Variants in UBE2E1 observed in about 807,000 individuals in gnomAD.
The protein encoded by UBE2E1 is ubiquitin-conjugating enzyme E2 E1.
Under a neutral mutation model 21.4 loss-of-function variants are expected in UBE2E1, and 6 were observed. That is an observed-to-expected ratio of 0.28 (90% CI 0.15 to 0.55). UBE2E1 has a LOEUF of 0.55. Among genes scored for constraint, UBE2E1 ranks in the 20% least tolerant of loss-of-function variants. The pLI is 0.93. For missense variants in UBE2E1, 142 were observed against 236.5 expected (o/e 0.60, Z 2.62); for synonymous variants, 87 against 82.7 (o/e 1.05, Z -0.28).
chr3:23,864,830 C>T lies in UBE2E1; in HGVS notation c.204-22737C>T, dbSNP rs538508744. Among the ~76,000 whole-genome samples the T allele has an allele frequency of 1.3e-3, 200 of 152,316 alleles. No individual in the cohort carries two copies. In the Middle Eastern group the frequency reaches 0.02, roughly 16 times the overall value. On this transcript the variant is annotated intron_variant, in intron 3 of 5. Coordinates refer to ENST00000306627, the MANE Select transcript of UBE2E1 (RefSeq NM_003341.5). The stretch of plus-strand genomic sequence containing the variant: ...TCCCCAGAAGAGACTGCCTGGAGGG[C>T]GAAGGCCGGCCTGTGTTCTGGGAGC...
rs145275246 is a variant in UBE2E1, at chr3:23,870,383, C to G, written c.204-17184C>G. 6.6e-6 allele frequency among the ~76,000 whole-genome samples: 1 copy of G among 152,352 alleles called. No individual in the cohort carries two copies. Among genetic ancestry groups the G allele is most frequent in the Admixed American group, 6.5e-5 (1 of 15,304 alleles). ...GAGGGAGGGGAATTAGACTCTGCCT[C>G]TTTGAGCAGTTTCAAACAATCTGTG... On this transcript the variant is annotated intron_variant, in intron 3 of 5. Transcript: ENST00000306627. The surrounding 1 kb of genome is among the most constrained non-coding windows in gnomAD (Gnocchi z 4.2).
At chr3:23,885,045 A>G (rs1225152673) in intron 3 of UBE2E1, among the ~76,000 whole-genome samples, 1 of 152,226 alleles carries the variant, frequency 6.6e-6, no homozygotes, top group Non-Finnish European at 1.5e-5. Context: ...CTTATAAACA[A>G]CAGAAGTTTA....
intron 3 of UBE2E1, among the ~76,000 whole-genome samples, chr3:23,877,272 C>T (rs1333180629): frequency 6.6e-6 from 1 of 152,034 alleles, no homozygotes; most frequent in Non-Finnish European, 1.5e-5. Context: ...ATAACAACAG[C>T]AACCATATAT....
chr3:23,875,233 T>C (rs1700890123), intron 3 of UBE2E1, among the ~76,000 whole-genome samples: 1 of 152,234 alleles, frequency 6.6e-6, no homozygotes, highest in African/African-American at 2.4e-5. Context: ...TGAGCTTTTG[T>C]GATGTTTTAA....
At chr3:23,841,972 G>T (rs776206058) in intron 3 of UBE2E1, among the ~76,000 whole-genome samples, 1 of 151,944 alleles carries the variant, frequency 6.6e-6, no homozygotes, top group Non-Finnish European at 1.5e-5. Context: ...GGGCAAAATG[G>T]GATAATCTTT....
chr3:23,853,623 C>A lies in UBE2E1; in HGVS notation c.204-33944C>A, dbSNP rs779965107. Among the ~76,000 whole-genome samples the A allele has an allele frequency of 6.6e-6, 1 of 152,072 alleles. No homozygotes were observed. Among genetic ancestry groups the A allele is most frequent in the African/African-American group, 2.4e-5 (1 of 41,396 alleles). On this transcript the variant is annotated intron_variant, in intron 3 of 5. Transcript: ENST00000306627. The surrounding 1 kb of genome is among the most constrained non-coding windows in gnomAD (Gnocchi z 4.1). ...CTGTTCACAATTCAGTCTTTAAATG[C>A]ATATAGGAGAGTTGGAGGGGAGAGG...
chr3:23,807,539 A>G, intron 2 of UBE2E1, 118 bp downstream of exon 2: 1 of 1,307,948 alleles, frequency 7.6e-7, no homozygotes. Context: ...GTGTTCTTAA[A>G]AATGAAAGAA....
chr3:23,881,165 G>A (rs1189026703), intron 3 of UBE2E1, among the ~76,000 whole-genome samples: 1 of 152,070 alleles, frequency 6.6e-6, no homozygotes, highest in Non-Finnish European at 1.5e-5. Flanking sequence ...CGTGGCTCAT[G>A]GCCATCCCCG....
intron 3 of UBE2E1, among the ~76,000 whole-genome samples, chr3:23,839,966 A>G (rs575848562): frequency 3.3e-5 from 5 of 151,934 alleles, no homozygotes; most frequent in East Asian, 1.9e-4. Flanking sequence ...TCTTGGCTCT[A>G]TGAGCTTATA....
intron 3 of UBE2E1, among the ~76,000 whole-genome samples, chr3:23,820,205 G>A (rs1699617695): frequency 6.6e-6 from 1 of 152,168 alleles, no homozygotes; most frequent in African/African-American, 2.4e-5. Context: ...CCTCTTTTAT[G>A]CAGCCATGCT....
rs930702863 is a variant in UBE2E1, at chr3:23,816,236, A to C, written c.203+4726A>C. Among the ~76,000 whole-genome samples, 8 of 152,250 alleles carry C rather than the reference A, an allele frequency of 5.3e-5. No homozygotes were observed. Among genetic ancestry groups the C allele is most frequent in the Admixed American group, 1.3e-4 (2 of 15,286 alleles). On this transcript the variant is annotated intron_variant, in intron 3 of 5. Coordinates refer to ENST00000306627, the MANE Select transcript of UBE2E1 (RefSeq NM_003341.5). The surrounding 1 kb of genome is among the most constrained non-coding windows in gnomAD (Gnocchi z 4.8). ...ATTAAAAACAGAGGCTCAAACAGAT[A>C]ACCTGTATGTCAGTATTCATAGCAT... is the stretch of plus-strand genomic sequence containing the variant.
intron 3 of UBE2E1, among the ~76,000 whole-genome samples, chr3:23,830,438 T>G (rs1699844531): frequency 6.6e-6 from 1 of 152,100 alleles, no homozygotes; most frequent in Non-Finnish European, 1.5e-5. Flanking sequence ...TGTTTTTGTT[T>G]GTTTTTGGCA....
rs1699368691 is a variant in UBE2E1 at position 23,810,658 on chromosome 3, C to T, written c.153-802C>T. On this transcript the variant is annotated intron_variant, in intron 2 of 5. Coordinates refer to ENST00000306627, the MANE Select transcript of UBE2E1 (RefSeq NM_003341.5). This position sits in a 1 kb window ranked among gnomAD's most constrained non-coding sequence, Gnocchi z 5.8. ...AGTGGCGGGCGGGGGTGTTCGCGCCCTGCTTTCGCGCGCGGTCTCGGGCCA... is the reference window on the plus strand; with the variant it reads ...AGTGGCGGGCGGGGGTGTTCGCGCCTTGCTTTCGCGCGCGGTCTCGGGCCA... The T allele has an allele frequency of 3.5e-6, 3 of 863,620 alleles. No individual in the cohort carries two copies. Among genetic ancestry groups the T allele is most frequent in the Non-Finnish European group, 3.4e-6 (2 of 596,090 alleles). 53.5% of individuals were successfully genotyped at this position (863,620 alleles called of 1,614,324 possible).
chr3:23,865,201 T>C (rs780695504), intron 3 of UBE2E1, among the ~76,000 whole-genome samples: 1 of 152,132 alleles, frequency 6.6e-6, no homozygotes, highest in Non-Finnish European at 1.5e-5. Context: ...GTCACATAGT[T>C]GTTGACAGAA....
chr3:23,813,617 A>T (rs368931447), intron 3 of UBE2E1, among the ~76,000 whole-genome samples: 3 of 152,204 alleles, frequency 2.0e-5, no homozygotes, highest in South Asian at 2.1e-4. Context: ...ATTTCGGCTC[A>T]TTGCAACCTC....
At chr3:23,882,505 GC>G (rs1462366412) in intron 3 of UBE2E1, among the ~76,000 whole-genome samples, 1 of 152,240 alleles carries the variant, frequency 6.6e-6, no homozygotes, top group Non-Finnish European at 1.5e-5. Context: ...GGGCGGAGCT[GC>G]CCGCCAGTCC....
In UBE2E1 at chr3:23,810,434, C is replaced by T; in HGVS notation, c.153-1026C>T. ...GGGTTGGTGCGGAGGGAGAAAACTG[C>T]AGGTCTCCAGTCTATCCCCAGTGTG... is the stretch of plus-strand genomic sequence containing the variant. On this transcript the variant is annotated intron_variant, in intron 2 of 5. Transcript: ENST00000306627. This position sits in a 1 kb window ranked among gnomAD's most constrained non-coding sequence, Gnocchi z 5.8. The T allele has an allele frequency of 6.5e-7, 1 of 1,535,268 alleles. No homozygotes were observed. The highest frequency in any genetic ancestry group is 8.7e-7 in the Non-Finnish European group (1 of 1,146,338).
chr3:23,824,138 A>C (rs1699703118), intron 3 of UBE2E1, among the ~76,000 whole-genome samples: 1 of 152,244 alleles, frequency 6.6e-6, no homozygotes, highest in Non-Finnish European at 1.5e-5. Flanking sequence ...TTTTACTGTA[A>C]CTATTTACAT....
rs986266825 is a variant in UBE2E1 at position 23,823,394 on chromosome 3, A to C, written c.203+11884A>C. Among the ~76,000 whole-genome samples the C allele has an allele frequency of 1.3e-5, 2 of 152,252 alleles. No homozygotes were observed. The highest frequency in any genetic ancestry group is 2.9e-5 in the Non-Finnish European group (2 of 68,042). ...AGTAATTAGTTGGAATCACAAAAGCATTAGGTGCTGAACTGCCAGAGACAA... is the reference window on the plus strand; with the variant it reads ...AGTAATTAGTTGGAATCACAAAAGCCTTAGGTGCTGAACTGCCAGAGACAA... On this transcript the variant is annotated intron_variant, in intron 3 of 5. Transcript: ENST00000306627. The surrounding 1 kb of genome is among the most constrained non-coding windows in gnomAD (Gnocchi z 4.2).
Sources: gnomAD v4.1 joint callset for allele counts (sites outside exome capture counted in the v4.1 genomes callset) on GRCh38, gnomAD v4.1.1 for gene constraint, Gnocchi (gnomAD v3.1) non-coding constraint, MANE v1.5 for transcripts, NCBI Gene and HGNC (gene_info 2026-07-23, HGNC 2026-07-21) for gene names.